The following LRRC1 variants were observed in gnomAD, a reference collection of about 807,000 sequenced individuals.
LRRC1 encodes leucine-rich repeat-containing protein 1.
LRRC1 carries 28 observed loss-of-function variants against 69.9 expected under a neutral mutation model. That is an observed-to-expected ratio of 0.40 (90% confidence interval 0.30 to 0.55). LRRC1 has a LOEUF of 0.55. Among genes scored for constraint, LRRC1 ranks in the 20% least tolerant of loss-of-function variants. LRRC1 has a pLI of 0.47. For missense variants in LRRC1, 498 were observed against 609.0 expected (o/e 0.82, Z 1.92); for synonymous variants, 236 against 240.2 (o/e 0.98, Z 0.16).
chr6:53,854,447 T>G (rs1367317634), intron 2 of LRRC1, among the ~76,000 whole-genome samples: 2 of 152,246 alleles, frequency 1.3e-5, no homozygotes, highest in African/African-American at 4.8e-5. Context: ...GTGTGAATCC[T>G]TCTCATCAAC....
chr6:53,803,450 C>T (rs888865464), intron 1 of LRRC1, among the ~76,000 whole-genome samples: 1 of 152,122 alleles, frequency 6.6e-6, no homozygotes, highest in African/African-American at 2.4e-5. Flanking sequence ...GACCATGGGC[C>T]AGATCTTCCT....
chr6:53,904,232 A>G, intron 9 of LRRC1, 147 bp from the exon 10 acceptor site: 1 of 554,950 alleles, frequency 1.8e-6, no homozygotes. Context: ...CCCTAAGGGA[A>G]CATTACAAAT....
chr6:53,882,758 C>T, intron 3 of LRRC1, 129 bp from the exon 4 acceptor site: 1 of 583,508 alleles, frequency 1.7e-6, no homozygotes, highest in Non-Finnish European at 2.9e-6. Flanking sequence ...GCAAACATGC[C>T]ATATATAATG....
chr6:53,813,090 G>C (rs1346134665), intron 1 of LRRC1, among the ~76,000 whole-genome samples: 1 of 152,092 alleles, frequency 6.6e-6, no homozygotes, highest in Non-Finnish European at 1.5e-5. Context: ...ATGCTGTACA[G>C]AGAGAGAGAA....
chr6:53,892,473 G>A (rs909926986), intron 4 of LRRC1, among the ~76,000 whole-genome samples: 2 of 152,156 alleles, frequency 1.3e-5, no homozygotes, highest in African/African-American at 4.8e-5. Context: ...TTGACCTTCT[G>A]ATTAAGAGCT....
At chr6:53,813,259 A>G (rs1764848624) in intron 1 of LRRC1, among the ~76,000 whole-genome samples, 2 of 152,176 alleles carry the variant, frequency 1.3e-5, no homozygotes. Context: ...GGTGTGACTC[A>G]GGAGTGGACT....
chr6:53,813,790 A>G (rs528145825), intron 1 of LRRC1, among the ~76,000 whole-genome samples: 2 of 152,230 alleles, frequency 1.3e-5, no homozygotes, highest in African/African-American at 4.8e-5. Context: ...ATTGGATTCT[A>G]TAGTCTTGAA....
intron 4 of LRRC1, among the ~76,000 whole-genome samples, chr6:53,889,247 G>A (rs900580742): frequency 6.6e-5 from 10 of 152,112 alleles, no homozygotes; most frequent in Admixed American, 6.5e-4. Context: ...ACCCTCATAT[G>A]TTGTTGGTGG....
chr6:53,912,028 A>G (rs1349222075), intron 10 of LRRC1, among the ~76,000 whole-genome samples: 2 of 152,220 alleles, frequency 1.3e-5, no homozygotes, highest in Non-Finnish European at 2.9e-5. Context: ...ACTGCTACAC[A>G]TAGAGGCAGA....
intron 1 of LRRC1, among the ~76,000 whole-genome samples, chr6:53,805,842 A>G (rs1290543265): frequency 6.6e-6 from 1 of 152,100 alleles, no homozygotes; most frequent in Non-Finnish European, 1.5e-5. Context: ...TCTTTCTAAG[A>G]CACAGATGTG....
At chr6:53,804,357 A>G (rs1764577717) in intron 1 of LRRC1, among the ~76,000 whole-genome samples, 1 of 152,194 alleles carries the variant, frequency 6.6e-6, no homozygotes, top group Admixed American at 6.5e-5. Flanking sequence ...TAAAATACCC[A>G]TCACCTCACA....
rs747002051 is a variant in LRRC1, at chr6:53,919,476, T to A, written c.1107-22T>A. On this transcript the variant is annotated intron_variant, in intron 11 of 13. Coordinates refer to ENST00000370888, the MANE Select transcript of LRRC1 (RefSeq NM_018214.5). ...ATTTGAGGTTGTGATGTCTCTTTTTTTAAAAAAAAAAAAAAAAACAGGTTG... is the reference window on the plus strand; with the variant it reads ...ATTTGAGGTTGTGATGTCTCTTTTTATAAAAAAAAAAAAAAAAACAGGTTG... 28 of 1,226,120 alleles carry A rather than the reference T, an allele frequency of 2.3e-5. No homozygotes were observed. The African/African-American group carries it at 3.8e-4, about 17-fold the overall frequency. The allele number at this position is 1,226,120 out of a possible 1,614,324, so 76.0% of individuals were successfully genotyped here.
At chr6:53,891,452 A>C (rs1409305019) in intron 4 of LRRC1, among the ~76,000 whole-genome samples, 7 of 146,946 alleles carry the variant, frequency 4.8e-5, no homozygotes, top group Admixed American at 1.3e-4. Flanking sequence ...AAAATGAGAC[A>C]AAAAAAATCT....
intron 1 of LRRC1, among the ~76,000 whole-genome samples, chr6:53,830,493 G>C (rs1194722873): frequency 6.6e-6 from 1 of 152,216 alleles, no homozygotes; most frequent in Non-Finnish European, 1.5e-5. Flanking sequence ...TTTAAGTTCT[G>C]TTTGTGGAGC....
intron 1 of LRRC1, among the ~76,000 whole-genome samples, chr6:53,797,473 T>C (rs763888733): frequency 5.3e-5 from 8 of 152,188 alleles, no homozygotes; most frequent in Non-Finnish European, 8.8e-5. Flanking sequence ...ATTCTTTCCT[T>C]GGGCTATCTG....
intron 1 of LRRC1, among the ~76,000 whole-genome samples, chr6:53,831,730 C>A (rs1238579777): frequency 6.6e-6 from 1 of 152,158 alleles, no homozygotes; most frequent in Non-Finnish European, 1.5e-5. Context: ...ATGGGCCATT[C>A]TTGAGTGATT....
intron 4 of LRRC1, among the ~76,000 whole-genome samples, chr6:53,895,564 A>G (rs1562064128): frequency 6.9e-6 from 1 of 145,316 alleles, no homozygotes; most frequent in Non-Finnish European, 1.5e-5. Flanking sequence ...GGATGTTACT[A>G]TGGTGATATT....
intron 1 of LRRC1, among the ~76,000 whole-genome samples, chr6:53,818,844 TA>T (rs982226440): frequency 4.6e-5 from 7 of 152,226 alleles, no homozygotes; most frequent in African/African-American, 1.7e-4. Flanking sequence ...TTTCATTTCA[TA>T]AATGCTTTTA....
At chr6:53,919,740 G>T (rs1768682340) in intron 12 of LRRC1, 70 bp downstream of exon 12, 1 of 1,369,984 alleles carries the variant, frequency 7.3e-7, no homozygotes. Flanking sequence ...TGTCCATAAG[G>T]CCTCTTACTC....
Sources: gnomAD v4.1 joint callset for allele counts (sites outside exome capture counted in the v4.1 genomes callset) on GRCh38, gnomAD v4.1.1 for gene constraint, MANE v1.5 for transcripts, NCBI Gene and HGNC (gene_info 2026-07-23, HGNC 2026-07-21) for gene names.